Variants in RALGAPB observed in about 807,000 individuals in gnomAD.
RALGAPB encodes ral GTPase-activating protein subunit beta.
In RALGAPB, 25 loss-of-function variants were observed where a neutral mutation model predicts 161.1. That is an observed-to-expected ratio of 0.16 (90% confidence interval 0.11 to 0.22). The LOEUF (loss-of-function observed/expected upper bound fraction) is 0.22, where lower values mean the gene tolerates loss of function less well. RALGAPB is among the 10% of genes least tolerant of loss of function. The pLI is 1.00. For missense variants in RALGAPB, 1,391 were observed against 1,815.2 expected (o/e 0.77, Z 4.25); for synonymous variants, 629 against 626.1 (o/e 1.00, Z -0.07).
intron 1 of RALGAPB, among the ~76,000 whole-genome samples, chr20:38,482,527 A>G (rs2122833205): frequency 6.8e-6 from 1 of 146,684 alleles, no homozygotes; most frequent in Non-Finnish European, 1.5e-5. Flanking sequence ...TCCCAGGTTC[A>G]AGAGATTCTA....
intron 22 of RALGAPB, 24 bp downstream of exon 22, chr20:38,554,100 A>G (rs1281700755): frequency 4.6e-6 from 7 of 1,533,394 alleles, no homozygotes; most frequent in Middle Eastern, 1.7e-4. Flanking sequence ...ACTTTTATGA[A>G]TAAATATATT....
At chr20:38,500,174 G>C (rs1303575) in intron 5 of RALGAPB, among the ~76,000 whole-genome samples, 115,579 of 151,698 alleles carry the variant, frequency 0.76, 44,507 homozygotes, top group East Asian at 0.91. Flanking sequence ...CATTTCAATC[G>C]TGATTTTAAT....
intron 5 of RALGAPB, among the ~76,000 whole-genome samples, chr20:38,507,739 C>G (rs181623933): frequency 2.0e-5 from 3 of 151,830 alleles, no homozygotes; most frequent in Admixed American, 6.6e-5. Context: ...GCTCTGTTGC[C>G]CAGGGTGGAG....
At chr20:38,502,448 T>TA (rs2085623019) in intron 5 of RALGAPB, among the ~76,000 whole-genome samples, 1 of 152,232 alleles carries the variant, frequency 6.6e-6, no homozygotes, top group African/African-American at 2.4e-5. Context: ...AATTGCTTGA[T>TA]ACGTTCTGTT....
At chr20:38,497,652 A>G in intron 4 of RALGAPB, 136 bp downstream of exon 4, 1 of 939,354 alleles carries the variant, frequency 1.1e-6, no homozygotes, top group South Asian at 1.7e-5. Flanking sequence ...CAGTTCTTAG[A>G]ATGGAAACTC....
At position 38,559,404 on chromosome 20, in the gene RALGAPB, A is replaced by G. The variant is rs867303487; in HGVS notation, c.3531+951A>G. Among the ~76,000 whole-genome samples, 8 of 152,356 alleles carry G rather than the reference A, an allele frequency of 5.3e-5. No homozygotes were observed. In the South Asian group the frequency reaches 1.7e-3, roughly 32 times the overall value. Reference sequence around the variant, plus strand: ...AACACCTGAAATAAAGGAGAAAAACAGAAGGACTGGCCGGGTGTGGTGGCT... The same window carrying G: ...AACACCTGAAATAAAGGAGAAAAACGGAAGGACTGGCCGGGTGTGGTGGCT... On this transcript the variant is annotated intron_variant, in intron 23 of 29. Transcript: ENST00000262879.
chr20:38,540,616 T>C (rs1463537099), intron 17 of RALGAPB, among the ~76,000 whole-genome samples: 1 of 152,218 alleles, frequency 6.6e-6, no homozygotes, highest in Admixed American at 6.5e-5. Context: ...AAAATGTCAA[T>C]GACAAGATTT....
intron 27 of RALGAPB, among the ~76,000 whole-genome samples, chr20:38,570,250 C>T (rs900137267): frequency 1.3e-5 from 2 of 152,134 alleles, no homozygotes; most frequent in Non-Finnish European, 2.9e-5. Flanking sequence ...TTTGGCTATT[C>T]ATGTTGGCAT....
At chr20:38,535,906 C>A (rs908935651) in intron 16 of RALGAPB, among the ~76,000 whole-genome samples, 4 of 152,148 alleles carry the variant, frequency 2.6e-5, no homozygotes, top group African/African-American at 9.7e-5. Flanking sequence ...TTTTAGATTT[C>A]TTTCCCAGCC....
rs1484593176 is a variant in RALGAPB at position 38,548,752 on chromosome 20, A to G, written c.2966A>G (p.Gln989Arg). 4 of 1,613,966 alleles carry G rather than the reference A, an allele frequency of 2.5e-6. No homozygotes were observed. Among genetic ancestry groups the G allele is most frequent in the Admixed American group, 1.7e-5 (1 of 60,000 alleles). ...ATGTCTGGAAGACTTGCTTGGGCAC[A>G]ACAGCTTTGTCTTTTACCCAGAGGA... ...RGMSGRLAWA[Q>R]QLCLLPRGAK... Residue 989 changes from glutamine to arginine, a missense_variant, in exon 20 of 30, where the codon CAA becomes CGA. Around this residue, in one of 3 missense-constraint regions of RALGAPB, gnomAD observed 946 missense variants for 1,257.2 expected, o/e 0.75. Coordinates refer to ENST00000262879, the MANE Select transcript of RALGAPB (RefSeq NM_020336.4).
At chr20:38,508,779 C>G (rs575946079) in intron 5 of RALGAPB, among the ~76,000 whole-genome samples, 1 of 152,116 alleles carries the variant, frequency 6.6e-6, no homozygotes, top group East Asian at 1.9e-4. Flanking sequence ...TGTAAAACTT[C>G]TTTTTAATGA....
chr20:38,549,543 A>ATATAT (rs1555882874), intron 20 of RALGAPB, among the ~76,000 whole-genome samples: 1 of 120,706 alleles, frequency 8.3e-6, no homozygotes, highest in African/African-American at 3.1e-5. Flanking sequence ...TAAAAAAAAA[A>ATATAT]AAAAAAATAT....
intron 6 of RALGAPB, among the ~76,000 whole-genome samples, chr20:38,511,761 CTCTT>C (rs542207357): frequency 6.6e-6 from 1 of 152,250 alleles, no homozygotes. Flanking sequence ...CATCTGATCT[CTCTT>C]TCTTTTCCCC....
intron 16 of RALGAPB, among the ~76,000 whole-genome samples, chr20:38,539,203 C>T (rs1250924340): frequency 6.6e-6 from 1 of 152,122 alleles, no homozygotes; most frequent in Non-Finnish European, 1.5e-5. Flanking sequence ...GCAAGCTAAT[C>T]TATCGTGACA....
At chr20:38,518,333 A>G (rs550745449) in intron 9 of RALGAPB, among the ~76,000 whole-genome samples, 1 of 152,334 alleles carries the variant, frequency 6.6e-6, no homozygotes, top group African/African-American at 2.4e-5. Context: ...ATTTATATAA[A>G]GAATTAAAAA....
At chr20:38,547,303 G>A (rs2145419205) in intron 19 of RALGAPB, 1 of 152,150 alleles carries the variant, frequency 6.6e-6, no homozygotes, top group Non-Finnish European at 1.5e-5. Flanking sequence ...GACCCTTATT[G>A]CTGGGAAGGG....
intron 18 of RALGAPB, 113 bp from the exon 19 acceptor site, chr20:38,546,130 G>A (rs1362126490): frequency 1.9e-6 from 3 of 1,546,318 alleles, no homozygotes; most frequent in Non-Finnish European, 2.6e-6. Flanking sequence ...CTGTCAAGAA[G>A]CATGGCTGTG....
chr20:38,578,357 A>G lies in RALGAPB; in HGVS notation c.*3390A>G, dbSNP rs192947033. 6.6e-6 allele frequency: 1 copy of G among 152,290 alleles called. No individual in the cohort carries two copies. Among genetic ancestry groups the G allele is most frequent in the East Asian group, 1.9e-4 (1 of 5,186 alleles). 9.4% of individuals were successfully genotyped at this position (152,290 alleles called of 1,614,324 possible). A position where few individuals can be genotyped will look rare whatever the true frequency, so the allele number is the denominator to read the frequency against. On this transcript the variant is annotated 3_prime_UTR_variant, in exon 30 of 30. Transcript: ENST00000262879. ...TTCTAGTGTGTTTCTCAGAATATCAACTCATGTTCTTCAGATGCTTTTCTT... is the reference window on the plus strand; with the variant it reads ...TTCTAGTGTGTTTCTCAGAATATCAGCTCATGTTCTTCAGATGCTTTTCTT...
In RALGAPB at chr20:38,511,797, G is replaced by A. The variant is rs557578046; in HGVS notation, c.872+2589G>A. On this transcript the variant is annotated intron_variant, in intron 6 of 29. Coordinates refer to ENST00000262879, the MANE Select transcript of RALGAPB (RefSeq NM_020336.4). ...CCCCACATTTCCCGCTTTTCTATTCGACAAAACCGCCATCATCATCATGGC... is the reference window on the plus strand; with the variant it reads ...CCCCACATTTCCCGCTTTTCTATTCAACAAAACCGCCATCATCATCATGGC... Among the ~76,000 whole-genome samples the A allele has an allele frequency of 2.6e-5, 4 of 152,078 alleles. No individual in the cohort carries two copies. The South Asian group carries it at 6.2e-4, about 24-fold the overall frequency.
Sources: gnomAD v4.1 joint callset for allele counts (sites outside exome capture counted in the v4.1 genomes callset) on GRCh38, gnomAD v4.1.1 for gene constraint, gnomAD v4.1.1 regional missense constraint, MANE v1.5 for transcripts, NCBI Gene and HGNC (gene_info 2026-07-23, HGNC 2026-07-21) for gene names.